MYO6: variants seen among roughly 807,000 people sequenced by gnomAD.
MYO6 encodes myosin VI.
Under a neutral mutation model 178.7 loss-of-function variants are expected in MYO6, and 74 were observed. The observed-to-expected ratio is 0.41, with a 90% CI of 0.34 to 0.50. The LOEUF (loss-of-function observed/expected upper bound fraction) is 0.50. MYO6 is among the 20% of genes least tolerant of loss of function. MYO6 has a pLI of 0.09. For missense variants in MYO6, 1,330 were observed against 1,547.4 expected (o/e 0.86, Z 2.36); for synonymous variants, 477 against 504.6 (o/e 0.95, Z 0.73).
At chr6:75,887,978 C>CA (rs199663064) in intron 25 of MYO6, among the ~76,000 whole-genome samples, 2,412 of 141,578 alleles carry the variant, frequency 0.017, 67 homozygotes, top group African/African-American at 0.06. Context: ...GACTCCGTCT[C>CA]AAAAAAAATA....
intron 1 of MYO6, among the ~76,000 whole-genome samples, chr6:75,774,726 C>T (rs1766208202): frequency 6.6e-6 from 1 of 151,822 alleles, no homozygotes; most frequent in Non-Finnish European, 1.5e-5. Context: ...AATTTTAATC[C>T]CTTCCCCCCA....
chr6:75,906,487 G>A (rs1024563002), intron 30 of MYO6, among the ~76,000 whole-genome samples: 3 of 152,010 alleles, frequency 2.0e-5, no homozygotes, highest in African/African-American at 7.3e-5. Flanking sequence ...ACCAGCCTGG[G>A]CAACATGGCA....
intron 6 of MYO6, 55 bp downstream of exon 6, chr6:75,833,002 C>G: frequency 8.0e-7 from 1 of 1,244,652 alleles, no homozygotes; most frequent in Admixed American, 1.7e-5. Context: ...TTTTTCCCCC[C>G]TTGAGATAGG....
chr6:75,797,993 C>T (rs539182544), intron 1 of MYO6, among the ~76,000 whole-genome samples: 30 of 152,232 alleles, frequency 2.0e-4, no homozygotes, highest in African/African-American at 7.2e-4. Context: ...TAATTAGGTC[C>T]CACTTGTCAG....
intron 30 of MYO6, among the ~76,000 whole-genome samples, chr6:75,904,359 G>C (rs957981094): frequency 6.6e-6 from 1 of 151,592 alleles, no homozygotes; most frequent in Non-Finnish European, 1.5e-5. Context: ...TCACTTTCAG[G>C]TACACCAGTC....
chr6:75,793,747 A>G (rs948260600), intron 1 of MYO6, among the ~76,000 whole-genome samples: 5 of 152,252 alleles, frequency 3.3e-5, no homozygotes, highest in Non-Finnish European at 4.4e-5. Context: ...ACTTCTTGAT[A>G]AACATGGAGA....
At chr6:75,893,331 T>A (rs905126684) in intron 28 of MYO6, among the ~76,000 whole-genome samples, 5 of 152,110 alleles carry the variant, frequency 3.3e-5, no homozygotes, top group Admixed American at 1.3e-4. Flanking sequence ...TTTAAAAAAA[T>A]TTAGTATGTA....
chr6:75,832,997 C>T, intron 6 of MYO6, 50 bp downstream of exon 6: 4 of 1,292,324 alleles, frequency 3.1e-6, no homozygotes, highest in Non-Finnish European at 4.5e-6. Context: ...TCTTTTTTTT[C>T]CCCCCTTGAG....
intron 1 of MYO6, among the ~76,000 whole-genome samples, 197 bp from the exon 2 acceptor site, chr6:75,817,304 C>CAAAAAAAAA (rs759910571): frequency 1.6e-5 from 1 of 62,978 alleles, no homozygotes; most frequent in Non-Finnish European, 3.6e-5. Context: ...GATTCCGTCT[C>CAAAAAAAAA]AAAAAAAAAA....
intron 1 of MYO6, among the ~76,000 whole-genome samples, chr6:75,767,399 A>G (rs1778521218): frequency 6.6e-6 from 1 of 152,128 alleles, no homozygotes; most frequent in South Asian, 2.1e-4. Flanking sequence ...GAATAATAAT[A>G]CATATAAATA....
chr6:75,811,070 T>C (rs1028937042), intron 1 of MYO6, among the ~76,000 whole-genome samples: 4 of 151,314 alleles, frequency 2.6e-5, no homozygotes, highest in South Asian at 2.1e-4. Context: ...CATTCCAGAG[T>C]CTTCTCCAGA....
chr6:75,755,448 G>A (rs1223084086), intron 1 of MYO6, among the ~76,000 whole-genome samples: 2 of 152,066 alleles, frequency 1.3e-5, no homozygotes, highest in African/African-American at 4.8e-5. Flanking sequence ...ATTGTTACAG[G>A]TTATTTTTTA....
intron 1 of MYO6, among the ~76,000 whole-genome samples, chr6:75,762,401 T>C (rs1345026546): frequency 6.6e-6 from 1 of 152,338 alleles, no homozygotes; most frequent in East Asian, 1.9e-4. Context: ...AGGTGATAGA[T>C]GTAGTAAGGA....
chr6:75,914,083 C>A lies in MYO6; in HGVS notation c.3460C>A (p.Gln1154Lys). 1 of 1,614,140 alleles carries A rather than the reference C, an allele frequency of 6.2e-7. No individual in the cohort carries two copies. Among genetic ancestry groups the A allele is most frequent in the South Asian group, 1.1e-5 (1 of 91,088 alleles). ...AATAGCTCAGCAAAACCCAGCAGCT[C>A]AGATTCCTGCCAGGCAGCGGGAGAT... ...NNSPQQNPAAQIPARQREIEM... is the reference protein window; with the variant it reads ...NNSPQQNPAAKIPARQREIEM... Residue 1154 changes from glutamine to lysine, a missense_variant, in exon 34 of 35, where the codon CAG becomes AAG. By Grantham distance (53) the Gln-to-Lys change is moderately conservative. Around this residue, in one of 3 missense-constraint regions of MYO6, gnomAD observed 601 missense variants for 626.1 expected, o/e 0.96. Transcript: ENST00000369977.
chr6:75,775,862 T>C (rs780824254), intron 1 of MYO6, among the ~76,000 whole-genome samples: 22 of 152,254 alleles, frequency 1.4e-4, no homozygotes, highest in Middle Eastern at 3.4e-3. Flanking sequence ...CTAATATGAG[T>C]AATTAGTGAT....
In MYO6 at chr6:75,778,930, G is replaced by T. The variant is rs981096534; in HGVS notation, c.-48+29507G>T. Among the ~76,000 whole-genome samples the T allele has an allele frequency of 2.0e-5, 3 of 151,726 alleles. No homozygotes were observed. The East Asian group carries it at 5.9e-4, about 30-fold the overall frequency. ...AAATCAGCTGGGTATGGTGGTGCAT[G>T]CCTGTAGTCCTAGCTGCTTGGGAGG... is the stretch of plus-strand genomic sequence containing the variant. On this transcript the variant is annotated intron_variant, in intron 1 of 34. Coordinates refer to ENST00000369977, the MANE Select transcript of MYO6 (RefSeq NM_004999.4).
chr6:75,907,604 G>A lies in MYO6; in HGVS notation c.3177-1G>A, dbSNP rs1329003951. On this transcript the variant is annotated splice_acceptor_variant, in intron 30 of 34. Transcript: ENST00000369977. LOFTEE classifies it high-confidence loss of function. ...CATGCAAAAATGTGTAATAATTACAGAGGTCCTGCTGTACTAGCCACCAAA... is the reference window on the plus strand; with the variant it reads ...CATGCAAAAATGTGTAATAATTACAAAGGTCCTGCTGTACTAGCCACCAAA... 2 of 1,608,282 alleles carry A rather than the reference G, an allele frequency of 1.2e-6. No individual in the cohort carries two copies. The highest frequency in any genetic ancestry group is 1.3e-5 in the African/African-American group (1 of 74,734).
At chr6:75,787,676 TTCTCTCTCTCTCTCTC>T (rs765565236) in intron 1 of MYO6, among the ~76,000 whole-genome samples, 563 of 24,918 alleles carry the variant, frequency 0.023, 27 homozygotes, top group African/African-American at 0.032. Flanking sequence ...AATGGAACTA[TTCTCTCTCTCTCTCTC>T]TCTCTCTCTC....
chr6:75,767,202 T>C (rs946789617), intron 1 of MYO6, among the ~76,000 whole-genome samples: 1 of 152,096 alleles, frequency 6.6e-6, no homozygotes, highest in African/African-American at 2.4e-5. Context: ...ATATTTTGTA[T>C]TTTTAGTAGA....
Sources: gnomAD v4.1 joint callset for allele counts (sites outside exome capture counted in the v4.1 genomes callset) on GRCh38, gnomAD v4.1.1 for gene constraint, gnomAD v4.1.1 regional missense constraint, MANE v1.5 for transcripts, NCBI Gene and HGNC (gene_info 2026-07-23, HGNC 2026-07-21) for gene names.